GFOD2: variants seen among roughly 807,000 people sequenced by gnomAD.
GFOD2 encodes Gfo/Idh/MocA-like oxidoreductase domain containing 2.
Under a neutral mutation model 24.6 loss-of-function variants are expected in GFOD2, and 9 were observed. The observed-to-expected ratio is 0.37, with a 90% confidence interval of 0.22 to 0.64. The LOEUF (loss-of-function observed/expected upper bound fraction) is 0.64, where lower values mean the gene tolerates loss of function less well. GFOD2 is among the 30% of genes least tolerant of loss of function. GFOD2 has a pLI of 0.65. For missense variants in GFOD2, 476 were observed against 532.5 expected (o/e 0.89, Z 1.04); for synonymous variants, 211 against 224.8 (o/e 0.94, Z 0.55).
intron 1 of GFOD2, among the ~76,000 whole-genome samples, chr16:67,705,886 G>A (rs1264653641): frequency 6.7e-6 from 1 of 148,358 alleles, no homozygotes; most frequent in African/African-American, 2.5e-5. Context: ...GTTGCAGTGA[G>A]CCGAGATCAC....
chr16:67,710,787 A>G (rs2053468328), intron 1 of GFOD2, among the ~76,000 whole-genome samples: 1 of 152,120 alleles, frequency 6.6e-6, no homozygotes, highest in South Asian at 2.1e-4. Context: ...GTCATTTTCT[A>G]TCCACTGACC....
intron 1 of GFOD2, among the ~76,000 whole-genome samples, chr16:67,688,711 T>C (rs2053286354): frequency 6.6e-6 from 1 of 151,750 alleles, no homozygotes; most frequent in Non-Finnish European, 1.5e-5. Context: ...TTAAAAATTG[T>C]AGTACAATAT....
At chr16:67,678,105 G>A (rs1297310061) in intron 2 of GFOD2, among the ~76,000 whole-genome samples, 1 of 152,222 alleles carries the variant, frequency 6.6e-6, no homozygotes, top group African/African-American at 2.4e-5. Flanking sequence ...GGCTCAGGAG[G>A]GGCCAGCTTA....
At chr16:67,688,882 C>T (rs770738045) in intron 1 of GFOD2, among the ~76,000 whole-genome samples, 6 of 151,032 alleles carry the variant, frequency 4.0e-5, no homozygotes, top group Admixed American at 6.6e-5. Context: ...CTACAGACGC[C>T]CCCCCACCAT....
chr16:67,675,211 C>T lies in GFOD2; in HGVS notation c.1102G>A (p.Glu368Lys). 1.2e-6 allele frequency: 2 copies of T among 1,613,966 alleles called. No individual in the cohort carries two copies. Among genetic ancestry groups the T allele is most frequent in the Non-Finnish European group, 1.7e-6 (2 of 1,180,032 alleles). ...AGGTTCTGGTTGGTGTCGGGCTCCT[C>T]CGTCAGCACCTCCACAGCCTCCCAC... ...GEWEAVEVLT[E>K]EPDTNQNLCE... Residue 368 changes from glutamate (E) to lysine (K), a missense_variant, in exon 3 of 3, where the codon GAG (glutamate) becomes AAG (lysine). Physicochemically the swap from Glu to Lys is moderately conservative, Grantham distance 56 (BLOSUM62 1). Coordinates refer to ENST00000268797, the MANE Select transcript of GFOD2 (RefSeq NM_030819.4).
intron 1 of GFOD2, among the ~76,000 whole-genome samples, chr16:67,696,051 C>G (rs1373574179): frequency 6.6e-6 from 1 of 151,018 alleles, no homozygotes; most frequent in Non-Finnish European, 1.5e-5. Context: ...GCTCTTTTTG[C>G]CCAGGCTGGA....
rs1003571418 is a variant in GFOD2 at position 67,675,839 on chromosome 16, C to T, written c.474G>A (p.Leu158=). The part of the protein sequence containing the change: ...CDARIYSGSL[L]SPSYGWICDE... ...CACAGATCCAGCCATAGCTGGGGCT[C>T]AGCAGGCTGCCTGAGTAGATGCGGG... The change falls in exon 3 of 3, where the codon CTG becomes CTA. Residue 158 remains leucine, a synonymous_variant. Coordinates refer to ENST00000268797, the MANE Select transcript of GFOD2 (RefSeq NM_030819.4). 3.1e-6 allele frequency: 5 copies of T among 1,614,072 alleles called. No individual in the cohort carries two copies. The African/African-American group carries it at 6.7e-5, about 22-fold the overall frequency.
At chr16:67,700,539 C>CCG (rs1555546271) in intron 1 of GFOD2, among the ~76,000 whole-genome samples, 9 of 151,052 alleles carry the variant, frequency 6.0e-5, no homozygotes, top group South Asian at 2.1e-4. Context: ...TGGTGAAACC[C>CCG]TGCCTCTACT....
At chr16:67,715,410 T>C (rs2053499992) in intron 1 of GFOD2, among the ~76,000 whole-genome samples, 1 of 152,180 alleles carries the variant, frequency 6.6e-6, no homozygotes. Context: ...GAGAAAATTT[T>C]TTTTTGTCTT....
intron 1 of GFOD2, among the ~76,000 whole-genome samples, chr16:67,705,981 T>C (rs891660772): frequency 3.4e-5 from 5 of 145,550 alleles, no homozygotes; most frequent in Non-Finnish European, 7.6e-5. Context: ...CCTGTGATTT[T>C]TTTTTTTTTT....
At chr16:67,691,516 CCA>C (rs1567657215) in intron 1 of GFOD2, among the ~76,000 whole-genome samples, 4 of 147,832 alleles carry the variant, frequency 2.7e-5, no homozygotes, top group African/African-American at 1.0e-4. Flanking sequence ...AGACCCCCCC[CCA>C]AAAAAAAAAA....
At chr16:67,681,337 A>C in intron 2 of GFOD2, 1 of 985,446 alleles carries the variant, frequency 1.0e-6, no homozygotes, top group Non-Finnish European at 1.2e-6. Flanking sequence ...TTTGGTGGTG[A>C]TAAAACTAGG....
chr16:67,691,515 C>CCG (rs2053313893), intron 1 of GFOD2, among the ~76,000 whole-genome samples: 4 of 148,186 alleles, frequency 2.7e-5, no homozygotes, highest in African/African-American at 1.0e-4. Context: ...TAGACCCCCC[C>CCG]CCAAAAAAAA....
chr16:67,685,629 A>G lies in GFOD2; in HGVS notation c.87T>C (p.Thr29=). Residue 29 remains threonine (T), a synonymous_variant, in exon 2 of 3, where the codon ACT becomes ACC. Transcript: ENST00000268797. ...LVPLLRAEGF[T]VEALWGKTEE... ...CAGTCTTCCCCCACAGGGCCTCAACAGTGAACCCTTCTGCCCTCAGCAGTG... is the reference window on the plus strand; with the variant it reads ...CAGTCTTCCCCCACAGGGCCTCAACGGTGAACCCTTCTGCCCTCAGCAGTG... 1.2e-6 allele frequency: 2 copies of G among 1,614,156 alleles called. No individual in the cohort carries two copies. The highest frequency in any genetic ancestry group is 1.7e-6 in the Non-Finnish European group (2 of 1,180,044).
At chr16:67,707,103 A>G (rs767934653) in intron 1 of GFOD2, among the ~76,000 whole-genome samples, 6 of 150,382 alleles carry the variant, frequency 4.0e-5, no homozygotes, top group Non-Finnish European at 7.4e-5. Context: ...TCACGCCTGT[A>G]ATCCCAGCAC....
chr16:67,676,236 G>A lies in GFOD2; in HGVS notation c.260-183C>T, dbSNP rs879502719. 1.4e-4 allele frequency: 86 copies of A among 623,232 alleles called. No individual in the cohort carries two copies. The East Asian group carries it at 2.0e-3, about 15-fold the overall frequency. 38.6% of individuals were successfully genotyped at this position (623,232 alleles called of 1,614,324 possible). A position where few individuals can be genotyped will look rare whatever the true frequency, so the allele number is the denominator to read the frequency against. ...TAGTCTCAATCTCCTGGCCTCAAGC[G>A]ATCCTCCATCTTGGCCTCCTAAGTG... On this transcript the variant is annotated intron_variant, in intron 2 of 2. Transcript: ENST00000268797.
At chr16:67,699,034 A>T (rs950820541) in intron 1 of GFOD2, among the ~76,000 whole-genome samples, 5 of 152,144 alleles carry the variant, frequency 3.3e-5, no homozygotes, top group African/African-American at 1.2e-4. Flanking sequence ...CCTCAACAAA[A>T]TATTAGCAAA....
At chr16:67,714,552 T>C (rs1475278693) in intron 1 of GFOD2, among the ~76,000 whole-genome samples, 1 of 151,772 alleles carries the variant, frequency 6.6e-6, no homozygotes, top group Non-Finnish European at 1.5e-5. Flanking sequence ...AAAATACAAT[T>C]ATGAAAGTAA....
At chr16:67,681,682 TAG>T (rs1171062938) in intron 2 of GFOD2, 1 of 976,250 alleles carries the variant, frequency 1.0e-6, no homozygotes. Flanking sequence ...AGTGCTGGAT[TAG>T]AGGTGTGAGG....
Sources: allele counts gnomAD v4.1 joint callset (sites outside exome capture counted in the v4.1 genomes callset), GRCh38; gene constraint gnomAD v4.1.1; transcripts MANE v1.5; gene names NCBI Gene and HGNC (gene_info 2026-07-23, HGNC 2026-07-21).